Variants in MTUS2 observed in about 807,000 individuals in gnomAD.
MTUS2 encodes the protein microtubule-associated tumor suppressor candidate 2.
A neutral mutation model predicts 114.1 loss-of-function variants in MTUS2; 40 were observed. The ratio of observed to expected loss-of-function variants is 0.35; its 90% CI spans 0.27 to 0.46. The LOEUF is 0.46. Among genes scored for constraint, MTUS2 ranks in the 20% least tolerant of loss-of-function variants. The pLI, the probability that MTUS2 is intolerant of heterozygous loss-of-function variation, is 1.00. For synonymous variants in MTUS2, 688 were observed against 672.0 expected (o/e 1.02, Z -0.37); for missense variants, 1,679 against 1,705.4 (o/e 0.98, Z 0.27).
rs189994680 is a variant in MTUS2 at position 29,402,822 on chromosome 13, C to T, written c.3118-37161C>T. On this transcript the variant is annotated intron_variant, in intron 8 of 15. Coordinates refer to ENST00000612955, the MANE Select transcript of MTUS2 (RefSeq NM_001033602.4). Reference sequence around the variant, plus strand: ...CACGATCTCACCTCACTGCAACCTCCGCCTCCCAGGTTCAAGCAATTCTCC... The same window carrying T: ...CACGATCTCACCTCACTGCAACCTCTGCCTCCCAGGTTCAAGCAATTCTCC... 1.3e-3 allele frequency among the ~76,000 whole-genome samples: 195 copies of T among 152,282 alleles called. 1 individual carries two copies. The highest frequency in any genetic ancestry group is 4.4e-3 in the African/African-American group (183 of 41,552).
chr13:29,486,171 G>A (rs55646198), intron 10 of MTUS2, among the ~76,000 whole-genome samples: 9,827 of 152,192 alleles, frequency 0.065, 460 homozygotes, highest in Non-Finnish European at 0.094. Flanking sequence ...AAGTAAATAC[G>A]GTTTGATCAA....
chr13:29,081,565 G>A (rs1362768067), intron 4 of MTUS2, among the ~76,000 whole-genome samples: 1 of 147,746 alleles, frequency 6.8e-6, no homozygotes, highest in Non-Finnish European at 1.5e-5. Context: ...ACTCCAAAGT[G>A]TTAGGTTGGT....
intron 5 of MTUS2, among the ~76,000 whole-genome samples, chr13:29,188,142 C>T (rs1180071461): frequency 6.6e-6 from 1 of 152,042 alleles, no homozygotes; most frequent in East Asian, 1.9e-4. Context: ...CCTTGGTAAC[C>T]CAGGTGTATC....
intron 8 of MTUS2, among the ~76,000 whole-genome samples, chr13:29,439,001 A>C (rs1877629845): frequency 6.6e-6 from 1 of 152,142 alleles, no homozygotes; most frequent in Non-Finnish European, 1.5e-5. Context: ...ACCAAAGGCA[A>C]CGGTGGTTAA....
At chr13:29,339,739 G>T (rs920059907) in intron 7 of MTUS2, 1 of 173,854 alleles carries the variant, frequency 5.8e-6, no homozygotes, top group Non-Finnish European at 1.2e-5. Context: ...CATAGTCCCA[G>T]TTGGGAGGAG....
Position 29,007,886 on chromosome 13 carries a change from A to G in MTUS2, c.-242-16571A>G, listed in dbSNP as rs142694832. On this transcript the variant is annotated intron_variant, in intron 2 of 15. Coordinates refer to ENST00000612955, the MANE Select transcript of MTUS2 (RefSeq NM_001033602.4). Reference sequence around the variant, plus strand: ...TAATAGTTAAGTTTTGGGGGAATCAAAAGTTATTTGTGGATTTTCAACAGC... The same window carrying G: ...TAATAGTTAAGTTTTGGGGGAATCAGAAGTTATTTGTGGATTTTCAACAGC... Among the ~76,000 whole-genome samples, 64 of 152,280 alleles carry G rather than the reference A, an allele frequency of 4.2e-4. 1 individual carries two copies. Among genetic ancestry groups the G allele is most frequent in the Middle Eastern group, 3.4e-3 (1 of 294 alleles).
In MTUS2 at chr13:28,994,522, G is replaced by A. The variant is rs1161349305; in HGVS notation, c.-242-29935G>A. On this transcript the variant is annotated intron_variant, in intron 2 of 15. Transcript: ENST00000612955. ...ACTAGTTTACAGTCCCACCAATGGT[G>A]TAAAAGTGTTCCTATTTCTCCACAT... 5.3e-5 allele frequency among the ~76,000 whole-genome samples: 8 copies of A among 152,318 alleles called. No homozygotes were observed. In the East Asian group the frequency reaches 1.5e-3, roughly 29 times the overall value.
chr13:29,299,302 A>G (rs1267858036), intron 6 of MTUS2, among the ~76,000 whole-genome samples: 1 of 152,234 alleles, frequency 6.6e-6, no homozygotes, highest in East Asian at 1.9e-4. Flanking sequence ...CTGTGACACC[A>G]AAGTCAACTC....
chr13:29,302,554 C>T (rs911425027), intron 6 of MTUS2, among the ~76,000 whole-genome samples: 1 of 152,172 alleles, frequency 6.6e-6, no homozygotes, highest in Non-Finnish European at 1.5e-5. Context: ...GGGTGCCAAG[C>T]AGTGTCATTT....
chr13:28,831,228 AC>A (rs1167403498), intron 1 of MTUS2, among the ~76,000 whole-genome samples: 1 of 152,218 alleles, frequency 6.6e-6, no homozygotes, highest in Non-Finnish European at 1.5e-5. Flanking sequence ...TAGTGGAGGA[AC>A]AAAAAGACAT....
intron 6 of MTUS2, among the ~76,000 whole-genome samples, chr13:29,308,492 C>T (rs1379829097): frequency 3.9e-5 from 6 of 152,044 alleles, no homozygotes; most frequent in African/African-American, 1.2e-4. Context: ...GACATAGGCA[C>T]GGGCAAAGAT....
intron 5 of MTUS2, among the ~76,000 whole-genome samples, chr13:29,275,742 G>A (rs1004325888): frequency 6.6e-6 from 1 of 152,164 alleles, no homozygotes; most frequent in Non-Finnish European, 1.5e-5. Flanking sequence ...TTGTATAGAT[G>A]TACCACATTT....
At chr13:28,916,005 C>T (rs1407708872) in intron 2 of MTUS2, among the ~76,000 whole-genome samples, 2 of 151,738 alleles carry the variant, frequency 1.3e-5, no homozygotes, top group African/African-American at 4.8e-5. Flanking sequence ...TAGTTTCATT[C>T]TCCTGTGTAT....
rs1208931087 is a variant in MTUS2 at position 29,496,518 on chromosome 13, T to C, written c.3580-720T>C. 1.3e-5 allele frequency: 2 copies of C among 152,516 alleles called. No homozygotes were observed. Among genetic ancestry groups the C allele is most frequent in the Non-Finnish European group, 2.9e-5 (2 of 68,242 alleles). 9.4% of individuals were successfully genotyped at this position (152,516 alleles called of 1,614,324 possible). A position where few individuals can be genotyped will look rare whatever the true frequency, so the allele number is the denominator to read the frequency against. On this transcript the variant is annotated intron_variant, in intron 12 of 15. Coordinates refer to ENST00000612955, the MANE Select transcript of MTUS2 (RefSeq NM_001033602.4). The surrounding 1 kb of genome is among the most constrained non-coding windows in gnomAD (Gnocchi z 4.3). ...AGGCAGCGGGGCTGGGAGGATGCTG[T>C]GTTAGGGAGTGTGCACTGCACCTTG...
At chr13:29,389,305 G>A (rs12864866) in intron 8 of MTUS2, among the ~76,000 whole-genome samples, 2 of 143,662 alleles carry the variant, frequency 1.4e-5, no homozygotes, top group African/African-American at 2.8e-5. Context: ...GTGTATATGT[G>A]TATATATGTA....
chr13:29,157,957 G>A (rs1262889566), intron 5 of MTUS2, among the ~76,000 whole-genome samples: 2 of 152,146 alleles, frequency 1.3e-5, no homozygotes, highest in Admixed American at 6.5e-5. Context: ...AAATAGAAAT[G>A]GAGAAAGGAA....
chr13:29,441,548 A>AATGTGACC (rs1877872405), intron 9 of MTUS2, among the ~76,000 whole-genome samples: 1 of 151,776 alleles, frequency 6.6e-6, no homozygotes, highest in African/African-American at 2.4e-5. Flanking sequence ...TTTCTTCACC[A>AATGTGACC]ATGTGGCCAC....
At chr13:29,477,084 G>C (rs1880758230) in intron 9 of MTUS2, 1 of 152,214 alleles carries the variant, frequency 6.6e-6, no homozygotes, top group African/African-American at 2.4e-5. Context: ...CGTGCACTGG[G>C]AAGTCCACAT....
At chr13:29,443,314 CT>C (rs1288102378) in intron 9 of MTUS2, among the ~76,000 whole-genome samples, 44 of 152,224 alleles carry the variant, frequency 2.9e-4, no homozygotes, top group African/African-American at 1.0e-3. Context: ...AGCTTTGGCT[CT>C]GGGGGCCCTG....
Sources: gnomAD v4.1 joint callset for allele counts (sites outside exome capture counted in the v4.1 genomes callset) on GRCh38, gnomAD v4.1.1 for gene constraint, Gnocchi (gnomAD v3.1) non-coding constraint, MANE v1.5 for transcripts, NCBI Gene and HGNC (gene_info 2026-07-23, HGNC 2026-07-21) for gene names.